RC3H1: variants seen among roughly 807,000 people sequenced by gnomAD.
The protein encoded by RC3H1 is roquin-1.
A neutral mutation model predicts 138.2 loss-of-function variants in RC3H1; 50 were observed. The ratio of observed to expected loss-of-function variants is 0.36; its 90% CI spans 0.29 to 0.46. The LOEUF (loss-of-function observed/expected upper bound fraction) is 0.46, where lower values mean the gene tolerates loss of function less well. Among genes scored for constraint, RC3H1 ranks in the 20% least tolerant of loss-of-function variants. The pLI is 1.00. For synonymous variants in RC3H1, 462 were observed against 489.1 expected, an observed-to-expected ratio of 0.94 and a Z score of 0.73; for missense variants, 1,031 against 1,388.1, an observed-to-expected ratio of 0.74 and a Z score of 4.09.
Position 173,992,839 on chromosome 1 carries a change from A to G in RC3H1, c.147T>C (p.Ala49=). The change falls in exon 2 of 20, where the codon GCT becomes GCC. Residue 49 remains alanine, a synonymous_variant. Transcript: ENST00000367696. ...KMCLNKLHRK[A]CPFDQTTINT... is the part of the protein sequence containing the mutation. Reference sequence around the variant, plus strand: ...TGATAGTGGTCTGGTCAAATGGGCAAGCCTTGCGGTGGAGTTTATTCAGGC... The same window carrying G: ...TGATAGTGGTCTGGTCAAATGGGCAGGCCTTGCGGTGGAGTTTATTCAGGC... 1.2e-6 allele frequency: 2 copies of G among 1,614,204 alleles called. No individual in the cohort carries two copies. Among genetic ancestry groups the G allele is most frequent in the Non-Finnish European group, 1.7e-6 (2 of 1,180,038 alleles).
chr1:173,969,456 A>G (rs1478439502), intron 9 of RC3H1: 1 of 151,746 alleles, frequency 6.6e-6, no homozygotes, highest in East Asian at 1.9e-4. Flanking sequence ...ATTGTAATGT[A>G]TTACTGAATT....
At chr1:174,000,624 C>T (rs976594790) in intron 1 of RC3H1, among the ~76,000 whole-genome samples, 17 of 152,256 alleles carry the variant, frequency 1.1e-4, no homozygotes, top group Middle Eastern at 3.4e-3. Context: ...CCACTATGCC[C>T]GATGAGATGA....
chr1:173,962,242 G>A, intron 11 of RC3H1, 147 bp from the exon 12 acceptor site: 1 of 835,004 alleles, frequency 1.2e-6, no homozygotes, highest in Non-Finnish European at 1.8e-6. Flanking sequence ...ATATAATCAG[G>A]TTAGCTTTTT....
At position 174,022,048 on chromosome 1, in the gene RC3H1, C is replaced by T. The variant is rs1251667776; in HGVS notation, c.-151+48G>A. On this transcript the variant is annotated intron_variant, in intron 1 of 19. Coordinates refer to ENST00000367696, the MANE Select transcript of RC3H1 (RefSeq NM_172071.4). This position sits in a 1 kb window ranked among gnomAD's most constrained non-coding sequence, Gnocchi z 4.2. ...TGCCTATTGTTCCCGACTGAGGCCCCGGCCGCGGCAGCCCCGCTCCCCAAG... is the reference window on the plus strand; with the variant it reads ...TGCCTATTGTTCCCGACTGAGGCCCTGGCCGCGGCAGCCCCGCTCCCCAAG... 5 of 394,034 alleles carry T rather than the reference C, an allele frequency of 1.3e-5. No homozygotes were observed. Among genetic ancestry groups the T allele is most frequent in the African/African-American group, 2.1e-5 (1 of 48,250 alleles). 24.4% of individuals were successfully genotyped at this position (394,034 alleles called of 1,614,324 possible). A position where few individuals can be genotyped will look rare whatever the true frequency, so the allele number is the denominator to read the frequency against.
intron 11 of RC3H1, among the ~76,000 whole-genome samples, chr1:173,963,031 CAGAG>C (rs991496866): frequency 2.6e-5 from 4 of 152,282 alleles, no homozygotes; most frequent in Admixed American, 6.5e-5. Flanking sequence ...CTGCTTCTGA[CAGAG>C]AGATCCAACA....
At chr1:173,943,969 G>T (rs1038839179) in intron 17 of RC3H1, among the ~76,000 whole-genome samples, 2 of 151,696 alleles carry the variant, frequency 1.3e-5, no homozygotes, top group African/African-American at 4.8e-5. Flanking sequence ...GATCCACCTG[G>T]GCAATATATC....
chr1:173,980,950 A>G lies in RC3H1; in HGVS notation c.828T>C (p.Tyr276=). Residue 276 remains tyrosine (Y), a synonymous_variant, in exon 6 of 20, where the codon TAT becomes TAC. Coordinates refer to ENST00000367696, the MANE Select transcript of RC3H1 (RefSeq NM_172071.4). ...AGTCATGTTCTCGCCGCAGAGCTTC[A>G]TAGGTTCTAAATTCTTCTTTCAGCT... is the stretch of plus-strand genomic sequence containing the variant. ...LMQLKEEFRT[Y]EALRREHDSQ... The G allele has an allele frequency of 6.2e-7, 1 of 1,614,006 alleles. No individual in the cohort carries two copies. The highest frequency in any genetic ancestry group is 8.5e-7 in the Non-Finnish European group (1 of 1,179,876).
intron 1 of RC3H1, among the ~76,000 whole-genome samples, chr1:174,017,404 G>C (rs983416294): frequency 6.6e-6 from 1 of 152,156 alleles, no homozygotes; most frequent in Non-Finnish European, 1.5e-5. Flanking sequence ...CATGTCTACT[G>C]TACTTAGAGA....
intron 19 of RC3H1, among the ~76,000 whole-genome samples, chr1:173,940,907 C>T (rs1658827942): frequency 6.6e-6 from 1 of 152,020 alleles, no homozygotes; most frequent in South Asian, 2.1e-4. Context: ...CTGCAACCTC[C>T]TCCTCCCAGG....
Position 173,938,427 on chromosome 1 carries a change from C to A in RC3H1, c.*294G>T. ...TCTTTTTTTTTTAAAGCCCTGGATC[C>A]AAGGCGTCCAAAGTTATTAAAATAA... On this transcript the variant is annotated 3_prime_UTR_variant, in exon 20 of 20. Transcript: ENST00000367696. 1 of 210,178 alleles carries A rather than the reference C, an allele frequency of 4.8e-6. No individual in the cohort carries two copies. The highest frequency in any genetic ancestry group is 9.4e-6 in the Non-Finnish European group (1 of 106,872). 13.0% of individuals were successfully genotyped at this position (210,178 alleles called of 1,614,324 possible).
intron 1 of RC3H1, among the ~76,000 whole-genome samples, chr1:174,009,967 T>C (rs1314686966): frequency 6.6e-6 from 1 of 152,220 alleles, no homozygotes; most frequent in Non-Finnish European, 1.5e-5. Flanking sequence ...TCATTATTAA[T>C]TTTAGGGCCA....
At chr1:173,993,467 T>C (rs1661378178) in intron 1 of RC3H1, among the ~76,000 whole-genome samples, 1 of 151,360 alleles carries the variant, frequency 6.6e-6, no homozygotes, top group Admixed American at 6.6e-5. Context: ...TGGAGTGCAA[T>C]GGTGCAACCT....
Position 173,943,427 on chromosome 1 carries a change from C to T in RC3H1, c.3135+15G>A. The T allele has an allele frequency of 6.3e-7, 1 of 1,591,814 alleles. No homozygotes were observed. Among genetic ancestry groups the T allele is most frequent in the Non-Finnish European group, 8.6e-7 (1 of 1,166,578 alleles). ...TCATTTCACCTTCCCTCTCTTTCCCCACCATAACACTCACCATACTCAGTT... is the reference window on the plus strand; with the variant it reads ...TCATTTCACCTTCCCTCTCTTTCCCTACCATAACACTCACCATACTCAGTT... On this transcript the variant is annotated intron_variant, in intron 18 of 19. Coordinates refer to ENST00000367696, the MANE Select transcript of RC3H1 (RefSeq NM_172071.4).
At chr1:173,991,409 T>C (rs1386405647) in intron 2 of RC3H1, among the ~76,000 whole-genome samples, 1 of 152,240 alleles carries the variant, frequency 6.6e-6, no homozygotes, top group African/African-American at 2.4e-5. Context: ...CCATGTCATC[T>C]GTGAATGAGA....
intron 5 of RC3H1, among the ~76,000 whole-genome samples, chr1:173,982,106 G>A (rs901188914): frequency 2.0e-5 from 3 of 152,142 alleles, no homozygotes; most frequent in South Asian, 4.1e-4. Flanking sequence ...TTGGCTGGGC[G>A]CGGTGGCTCA....
In RC3H1 at chr1:173,953,931, C is replaced by G. The variant is rs1036011055; in HGVS notation, c.2371-1793G>C. Reference sequence around the variant, plus strand: ...GTGCATGACTGTAGTCCCAGCTACTCGAGAGGTTGAGGCAGGAAAATTGCT... The same window carrying G: ...GTGCATGACTGTAGTCCCAGCTACTGGAGAGGTTGAGGCAGGAAAATTGCT... On this transcript the variant is annotated intron_variant, in intron 13 of 19. Transcript: ENST00000367696. Among the ~76,000 whole-genome samples, 3 of 151,936 alleles carry G rather than the reference C, an allele frequency of 2.0e-5. No homozygotes were observed. In the East Asian group the frequency reaches 5.8e-4, roughly 29 times the overall value.
rs777986511 is a variant in RC3H1, at chr1:173,978,545, T to C, written c.1045A>G (p.Asn349Asp). Residue 349 changes from asparagine (N) to aspartate (D), a missense_variant, in exon 7 of 20, where the codon AAC becomes GAC. Physicochemically the swap from Asn to Asp is conservative, Grantham distance 23. This residue lies in a region of RC3H1 where 142 missense variants were observed against 224.6 expected (regional missense o/e 0.63). Coordinates refer to ENST00000367696, the MANE Select transcript of RC3H1 (RefSeq NM_172071.4). The part of the protein sequence containing the change: ...IALQRTGDPA[N>D]LNRLRPHLEL... ...AAATGGGGTCTTAGTCGGTTCAAGTTTGCTGGGTCTCCAGTTCGCTGGAGA... is the reference window on the plus strand; with the variant it reads ...AAATGGGGTCTTAGTCGGTTCAAGTCTGCTGGGTCTCCAGTTCGCTGGAGA... The C allele has an allele frequency of 1.2e-6, 2 of 1,614,112 alleles. No homozygotes were observed. The highest frequency in any genetic ancestry group is 1.7e-6 in the Non-Finnish European group (2 of 1,179,984).
At chr1:173,993,867 A>T (rs1455717041) in intron 1 of RC3H1, among the ~76,000 whole-genome samples, 1 of 150,798 alleles carries the variant, frequency 6.6e-6, no homozygotes, top group Non-Finnish European at 1.5e-5. Flanking sequence ...TAAAAATACA[A>T]AAATTAGCCA....
intron 13 of RC3H1, among the ~76,000 whole-genome samples, chr1:173,960,428 G>A (rs1037134428): frequency 1.9e-4 from 29 of 152,274 alleles, no homozygotes; most frequent in African/African-American, 7.0e-4. Flanking sequence ...TTAATCCAAT[G>A]TATCAAAAAT....
Sources: allele counts gnomAD v4.1 joint callset (sites outside exome capture counted in the v4.1 genomes callset), GRCh38; gene constraint gnomAD v4.1.1; regional missense constraint gnomAD v4.1.1; non-coding constraint Gnocchi (gnomAD v3.1); transcripts MANE v1.5; gene names NCBI Gene and HGNC (gene_info 2026-07-23, HGNC 2026-07-21).